The following GRIN2B variants were observed in gnomAD, a reference collection of about 807,000 sequenced individuals.
GRIN2B encodes the protein glutamate ionotropic receptor NMDA type subunit 2B.
GRIN2B carries 5 observed loss-of-function variants against 114.5 expected under a neutral mutation model. That is an observed-to-expected ratio of 0.04 (90% CI 0.02 to 0.09). The LOEUF is 0.09. Among genes scored for constraint, GRIN2B ranks in the 10% least tolerant of loss-of-function variants. GRIN2B has a pLI of 1.00. For missense variants in GRIN2B, 1,108 were observed against 1,943.5 expected, an observed-to-expected ratio of 0.57 and a Z score of 8.08; for synonymous variants, 787 against 745.1, an observed-to-expected ratio of 1.06 and a Z score of -0.92.
At chr12:13,670,864 C>T (rs941110276) in intron 5 of GRIN2B, among the ~76,000 whole-genome samples, 1 of 152,148 alleles carries the variant, frequency 6.6e-6, no homozygotes, top group African/African-American at 2.4e-5. Flanking sequence ...GATCTCTTTG[C>T]TATTCTAGCC....
At chr12:13,743,387 G>A (rs1279040294) in intron 4 of GRIN2B, among the ~76,000 whole-genome samples, 1 of 152,144 alleles carries the variant, frequency 6.6e-6, no homozygotes, top group Admixed American at 6.5e-5. Flanking sequence ...TGACAGAAGT[G>A]AGGACAATGA....
chr12:13,576,095 T>G (rs572117993), intron 10 of GRIN2B, among the ~76,000 whole-genome samples: 1 of 152,204 alleles, frequency 6.6e-6, no homozygotes, highest in Non-Finnish European at 1.5e-5. Context: ...AGCAGTGAGT[T>G]TGCCTTTTCT....
At chr12:13,959,881 T>C (rs1867660843) in intron 2 of GRIN2B, among the ~76,000 whole-genome samples, 1 of 151,492 alleles carries the variant, frequency 6.6e-6, no homozygotes, top group East Asian at 1.9e-4. Flanking sequence ...GAACTGTAGA[T>C]TGCAGAATGA....
intron 2 of GRIN2B, among the ~76,000 whole-genome samples, chr12:13,908,683 T>C (rs1466745185): frequency 6.6e-6 from 1 of 152,064 alleles, no homozygotes; most frequent in Non-Finnish European, 1.5e-5. Flanking sequence ...CCTACAACAT[T>C]TCAAATACAT....
chr12:13,971,349 A>C (rs1862908630), intron 2 of GRIN2B, among the ~76,000 whole-genome samples: 1 of 152,190 alleles, frequency 6.6e-6, no homozygotes, highest in African/African-American at 2.4e-5. Context: ...GCCTCTGTAC[A>C]TTTAGGTTCA....
chr12:13,946,140 A>T (rs1264808566), intron 2 of GRIN2B, among the ~76,000 whole-genome samples: 1 of 152,180 alleles, frequency 6.6e-6, no homozygotes, highest in Non-Finnish European at 1.5e-5. Context: ...GAGGGGGTAA[A>T]TAATGTCTTC....
At position 13,555,128 on chromosome 12, in the gene GRIN2B, G is replaced by A. The variant is rs373322904; in HGVS notation, c.*7655C>T. ...AGAGGGTCAAGCTCAGATATACCATGGCAAGTCAATGCTAAGGAGATAAGA... is the reference window on the plus strand; with the variant it reads ...AGAGGGTCAAGCTCAGATATACCATAGCAAGTCAATGCTAAGGAGATAAGA... On this transcript the variant is annotated 3_prime_UTR_variant, in exon 14 of 14. Transcript: ENST00000609686. 3.9e-5 allele frequency: 6 copies of A among 152,140 alleles called. No individual in the cohort carries two copies. The highest frequency in any genetic ancestry group is 1.4e-4 in the African/African-American group (6 of 41,426). 9.4% of individuals were successfully genotyped at this position (152,140 alleles called of 1,614,324 possible).
chr12:13,754,650 C>T (rs1170489641), intron 3 of GRIN2B, among the ~76,000 whole-genome samples: 1 of 152,176 alleles, frequency 6.6e-6, no homozygotes, highest in East Asian at 1.9e-4. Flanking sequence ...ATAATATATG[C>T]AGAACAGAAT....
chr12:13,609,601 G>A (rs975078962), intron 9 of GRIN2B, among the ~76,000 whole-genome samples: 3 of 152,050 alleles, frequency 2.0e-5, no homozygotes, highest in African/African-American at 4.8e-5. Context: ...GTGAAACCCC[G>A]TCTCTACTAA....
chr12:13,772,383 T>G (rs1863922597), intron 3 of GRIN2B, among the ~76,000 whole-genome samples: 2 of 152,214 alleles, frequency 1.3e-5, no homozygotes, highest in Non-Finnish European at 2.9e-5. Flanking sequence ...ACCAGCTTTT[T>G]GTCTCATCTG....
chr12:13,747,178 A>T (rs1000822750), intron 4 of GRIN2B, among the ~76,000 whole-genome samples: 9 of 152,234 alleles, frequency 5.9e-5, no homozygotes, highest in African/African-American at 2.2e-4. Flanking sequence ...TTTAAATCTT[A>T]GAAGTCAGCC....
chr12:13,771,905 T>C (rs1421500749), intron 3 of GRIN2B, among the ~76,000 whole-genome samples: 3 of 152,258 alleles, frequency 2.0e-5, no homozygotes, highest in Non-Finnish European at 4.4e-5. Flanking sequence ...TAGAACAGCA[T>C]GGGCTCCTGA....
chr12:13,775,253 A>G (rs927630414), intron 3 of GRIN2B, among the ~76,000 whole-genome samples: 22 of 152,316 alleles, frequency 1.4e-4, no homozygotes, highest in African/African-American at 5.3e-4. Context: ...AGAAGATAAC[A>G]TAATAGGTAA....
intron 5 of GRIN2B, among the ~76,000 whole-genome samples, chr12:13,648,258 C>T (rs915681497): frequency 4.6e-5 from 7 of 151,968 alleles, no homozygotes; most frequent in African/African-American, 7.2e-5. Flanking sequence ...GAACTTATTC[C>T]ATGCCAGGCC....
chr12:13,942,318 T>A (rs1867273246), intron 2 of GRIN2B, among the ~76,000 whole-genome samples: 1 of 106,028 alleles, frequency 9.4e-6, no homozygotes, highest in African/African-American at 3.5e-5. Context: ...TTCTAGGCAA[T>A]TCTGGGTCTG....
intron 3 of GRIN2B, among the ~76,000 whole-genome samples, chr12:13,825,679 G>C (rs535377386): frequency 6.6e-6 from 1 of 151,732 alleles, no homozygotes; most frequent in East Asian, 1.9e-4. Flanking sequence ...ACCACGCCCA[G>C]CTAATTTTTG....
At chr12:13,673,759 T>C (rs897634197) in intron 5 of GRIN2B, among the ~76,000 whole-genome samples, 1 of 151,958 alleles carries the variant, frequency 6.6e-6, no homozygotes, top group Admixed American at 6.6e-5. Context: ...GAGTGGTGTC[T>C]CTTTAAGAAA....
At chr12:13,583,431 A>G (rs931795995) in intron 10 of GRIN2B, among the ~76,000 whole-genome samples, 1 of 152,226 alleles carries the variant, frequency 6.6e-6, no homozygotes, top group African/African-American at 2.4e-5. Flanking sequence ...CCATACAGCT[A>G]GAAACTATCA....
intron 4 of GRIN2B, among the ~76,000 whole-genome samples, chr12:13,740,637 T>A (rs1456450534): frequency 6.6e-6 from 1 of 152,230 alleles, no homozygotes; most frequent in African/African-American, 2.4e-5. Context: ...TGTTTTGTTC[T>A]ATTGCATGTC....
Sources: allele counts gnomAD v4.1 joint callset (sites outside exome capture counted in the v4.1 genomes callset), GRCh38; gene constraint gnomAD v4.1.1; transcripts MANE v1.5; gene names NCBI Gene and HGNC (gene_info 2026-07-23, HGNC 2026-07-21).